KMT2C: variants seen among roughly 807,000 people sequenced by gnomAD.
KMT2C encodes the protein histone-lysine N-methyltransferase 2C.
Under a neutral mutation model 507.9 loss-of-function variants are expected in KMT2C, and 88 were observed. That is an observed-to-expected ratio of 0.17 (90% CI 0.15 to 0.21). The LOEUF (loss-of-function observed/expected upper bound fraction) is 0.21. Among genes scored for constraint, KMT2C ranks in the 10% least tolerant of loss-of-function variants. The pLI, the probability that KMT2C is intolerant of heterozygous loss-of-function variation, is 1.00. For synonymous variants in KMT2C, 2,049 were observed against 2,080.8 expected (o/e 0.98, Z 0.42); for missense variants, 4,954 against 5,957.8 (o/e 0.83, Z 5.55).
intron 6 of KMT2C, among the ~76,000 whole-genome samples, chr7:152,288,043 A>G (rs2096336924): frequency 6.6e-6 from 1 of 150,790 alleles, no homozygotes; most frequent in East Asian, 1.9e-4. Context: ...AAAAAAAAAA[A>G]AAGCAATTAC....
chr7:152,320,509 A>G (rs1269701885), intron 3 of KMT2C, among the ~76,000 whole-genome samples: 4 of 152,144 alleles, frequency 2.6e-5, no homozygotes, highest in South Asian at 4.1e-4. Context: ...TTGGCCACCT[A>G]AAGTGATGGA....
chr7:152,250,878 C>T lies in KMT2C; in HGVS notation c.1710G>A (p.Glu570=), dbSNP rs2129166083. 1 of 1,602,532 alleles carries T rather than the reference C, an allele frequency of 6.2e-7. No individual in the cohort carries two copies. The change falls in exon 12 of 59, where the codon GAG becomes GAA. Residue 570 remains glutamate (E), a synonymous_variant. Transcript: ENST00000262189. The part of the protein sequence containing the change: ...QAANKDVNGQ[E]STPGIVPDAV... ...CATCTGGAACAATTCCAGGAGTGGA[C>T]TCCTGACCGTTGACATCTTTATTAG... is the stretch of plus-strand genomic sequence containing the variant.
chr7:152,347,237 G>A (rs1308526376), intron 2 of KMT2C, among the ~76,000 whole-genome samples: 1 of 152,186 alleles, frequency 6.6e-6, no homozygotes, highest in African/African-American at 2.4e-5. Flanking sequence ...CTGAAATAGT[G>A]GGCAACCTCA....
At position 152,182,552 on chromosome 7, in the gene KMT2C, T is replaced by C. The variant is rs778190639; in HGVS notation, c.5308A>G (p.Thr1770Ala). 6.3e-7 allele frequency: 1 copy of C among 1,597,308 alleles called. No individual in the cohort carries two copies. The highest frequency in any genetic ancestry group is 8.5e-7 in the Non-Finnish European group (1 of 1,172,766). Residue 1770 changes from threonine to alanine, a missense_variant, in exon 36 of 59, where the codon ACA becomes GCA. Around this residue, in one of 29 missense-constraint regions of KMT2C, gnomAD observed 16 missense variants for 42.6 expected, o/e 0.38. Coordinates refer to ENST00000262189, the MANE Select transcript of KMT2C (RefSeq NM_170606.3). ...KSKQQAKIEA[T>A]QKLEQVKNEQ... ...TTTTTCACCTGTTCAAGTTTCTGTG[T>C]GGCTTCAATTTTAGCTTGCTGCTTA...
chr7:152,337,896 G>A (rs552750570), intron 2 of KMT2C, among the ~76,000 whole-genome samples: 13 of 148,078 alleles, frequency 8.8e-5, no homozygotes, highest in East Asian at 5.9e-4. Flanking sequence ...TCGCTCTGCC[G>A]CCCAGGCTGG....
rs1054637537 is a variant in KMT2C, at chr7:152,162,405, C to G, written c.11172G>C (p.Glu3724Asp). Reference sequence around the variant, plus strand: ...CCTCTTGGCCTGGGCAGGACTCTGTCTCAGCCTTTTCCAGTTTTATCTCTT... The same window carrying G: ...CCTCTTGGCCTGGGCAGGACTCTGTGTCAGCCTTTTCCAGTTTTATCTCTT... ...KTEEIKLEKAETESCPGQEEP... is the reference protein window; with the variant it reads ...KTEEIKLEKADTESCPGQEEP... Residue 3724 changes from glutamate (E) to aspartate (D), a missense_variant, in exon 43 of 59, where the codon GAG becomes GAC. Glu to Asp is a conservative substitution (Grantham distance 45, BLOSUM62 2). Around this residue, in one of 29 missense-constraint regions of KMT2C, gnomAD observed 801 missense variants for 751.2 expected, o/e 1.07. Transcript: ENST00000262189. 1.9e-6 allele frequency: 3 copies of G among 1,614,116 alleles called. No individual in the cohort carries two copies. In the African/African-American group the frequency reaches 4.0e-5, roughly 22 times the overall value.
At chr7:152,197,727 A>C (rs920610732) in intron 27 of KMT2C, among the ~76,000 whole-genome samples, 1 of 152,118 alleles carries the variant, frequency 6.6e-6, no homozygotes, top group Admixed American at 6.5e-5. Context: ...AAATCATTAA[A>C]ATTGATATAA....
Position 152,162,120 on chromosome 7 carries a change from T to A in KMT2C, c.11457A>T (p.Gly3819=). The A allele has an allele frequency of 6.5e-7, 1 of 1,546,816 alleles. No individual in the cohort carries two copies. The highest frequency in any genetic ancestry group is 8.7e-7 in the Non-Finnish European group (1 of 1,151,830). Residue 3819 remains glycine (G), a synonymous_variant, in exon 43 of 59, where the codon GGA becomes GGT. Coordinates refer to ENST00000262189, the MANE Select transcript of KMT2C (RefSeq NM_170606.3). ...CGTTTTTATGATTTACACTTACCAG[T>A]CCTTCAGCTGGGTTCTGCTTCTCAA... is the stretch of plus-strand genomic sequence containing the variant. The part of the protein sequence containing the change: ...KLVEKQNPAE[G]LQTLGAQMQG...
chr7:152,301,771 T>C (rs374453167), intron 6 of KMT2C, among the ~76,000 whole-genome samples: 1 of 152,138 alleles, frequency 6.6e-6, no homozygotes, highest in African/African-American at 2.4e-5. Flanking sequence ...GGAAAAACAC[T>C]AGGATTCTAT....
intron 1 of KMT2C, among the ~76,000 whole-genome samples, chr7:152,364,896 G>A (rs529827212): frequency 3.3e-5 from 5 of 149,894 alleles, no homozygotes; most frequent in Middle Eastern, 3.4e-3. Context: ...ATTATTATAA[G>A]CCCACAGATC....
At chr7:152,143,735 T>A (rs1297701903) in intron 55 of KMT2C, among the ~76,000 whole-genome samples, 1 of 152,226 alleles carries the variant, frequency 6.6e-6, no homozygotes, top group Non-Finnish European at 1.5e-5. Flanking sequence ...GAGGTGTAGT[T>A]CTGTGAAATG....
intron 22 of KMT2C, 110 bp downstream of exon 22, chr7:152,221,891 T>C: frequency 1.4e-6 from 1 of 703,568 alleles, no homozygotes; most frequent in Non-Finnish European, 2.5e-6. Context: ...ATTACAGAAT[T>C]TGGATAGAAC....
At chr7:152,418,407 C>A (rs1190358420) in intron 1 of KMT2C, among the ~76,000 whole-genome samples, 1 of 152,054 alleles carries the variant, frequency 6.6e-6, no homozygotes, top group Non-Finnish European at 1.5e-5. Context: ...TGTATGGTTA[C>A]ATAAATTATA....
At chr7:152,223,634 A>G (rs2094841960) in intron 20 of KMT2C, among the ~76,000 whole-genome samples, 1 of 152,076 alleles carries the variant, frequency 6.6e-6, no homozygotes, top group Admixed American at 6.6e-5. Context: ...TCTCTACTAA[A>G]AATACAAAAA....
chr7:152,147,723 A>AAAAAAAAG (rs1554454320), intron 52 of KMT2C, among the ~76,000 whole-genome samples: 2 of 133,924 alleles, frequency 1.5e-5, no homozygotes, highest in African/African-American at 3.2e-5. Flanking sequence ...AAAAAAAAAA[A>AAAAAAAAG]AAAAAGAAAA....
chr7:152,297,671 A>G (rs1019762849), intron 6 of KMT2C, among the ~76,000 whole-genome samples: 3 of 152,216 alleles, frequency 2.0e-5, no homozygotes, highest in South Asian at 4.1e-4. Context: ...TCATAAAAAC[A>G]AAACCCAAAA....
chr7:152,345,336 C>T (rs976567357), intron 2 of KMT2C, among the ~76,000 whole-genome samples: 2 of 151,904 alleles, frequency 1.3e-5, no homozygotes, highest in East Asian at 1.9e-4. Flanking sequence ...CAGCTACTTG[C>T]GAAGCTGAGG....
intron 42 of KMT2C, 35 bp from the exon 43 acceptor site, chr7:152,163,861 T>C: frequency 6.3e-7 from 1 of 1,584,778 alleles, no homozygotes; most frequent in Non-Finnish European, 8.7e-7. Flanking sequence ...CTCATTTCTA[T>C]ACAGCATAGG....
intron 51 of KMT2C, 146 bp from the exon 52 acceptor site, chr7:152,149,298 G>A (rs1288145990): frequency 4.6e-6 from 3 of 648,728 alleles, no homozygotes; most frequent in Non-Finnish European, 7.0e-6. Flanking sequence ...AGTGCTGGGG[G>A]CTCATGCACC....
Sources: gnomAD v4.1 joint callset for allele counts (sites outside exome capture counted in the v4.1 genomes callset) on GRCh38, gnomAD v4.1.1 for gene constraint, gnomAD v4.1.1 regional missense constraint, MANE v1.5 for transcripts, NCBI Gene and HGNC (gene_info 2026-07-23, HGNC 2026-07-21) for gene names.